Variants in MDFIC2 observed in about 807,000 individuals in gnomAD.
The protein encoded by MDFIC2 is myoD family inhibitor domain-containing protein 2.
At chr3:70,216,114 T>C (rs900451261) in intron 2 of MDFIC2, among the ~76,000 whole-genome samples, 1 of 151,782 alleles carries the variant, frequency 6.6e-6, no homozygotes, top group African/African-American at 2.4e-5. Context: ...ATATCTGGTA[T>C]ATGTGGAATT....
intron 2 of MDFIC2, among the ~76,000 whole-genome samples, chr3:70,311,461 A>G (rs1056576990): frequency 2.6e-5 from 4 of 152,192 alleles, no homozygotes; most frequent in Non-Finnish European, 5.9e-5. Flanking sequence ...CTCTAATTGC[A>G]GTGAATGGTG....
chr3:70,282,757 C>T (rs1261245714), intron 2 of MDFIC2, among the ~76,000 whole-genome samples: 1 of 152,152 alleles, frequency 6.6e-6, no homozygotes, highest in Non-Finnish European at 1.5e-5. Context: ...AGACTTGTTA[C>T]TTTACTTATT....
intron 2 of MDFIC2, among the ~76,000 whole-genome samples, chr3:70,260,951 G>T (rs1701860285): frequency 6.6e-6 from 1 of 152,074 alleles, no homozygotes; most frequent in South Asian, 2.1e-4. Flanking sequence ...GAAGATAAGT[G>T]ATTTTCTCAA....
intron 3 of MDFIC2, chr3:70,204,574 G>A (rs1701273019): frequency 6.6e-6 from 1 of 152,050 alleles, no homozygotes; most frequent in Non-Finnish European, 1.5e-5. Context: ...CTTACAACCT[G>A]AATTTCTTGG....
intron 2 of MDFIC2, among the ~76,000 whole-genome samples, chr3:70,295,330 G>A (rs6549331): frequency 0.4 from 60,723 of 151,984 alleles, 12,593 homozygotes; most frequent in South Asian, 0.56. Context: ...TTAACATCTA[G>A]TGAGTCCAGA....
chr3:70,256,803 A>C (rs1459613881), intron 2 of MDFIC2, among the ~76,000 whole-genome samples: 3 of 152,192 alleles, frequency 2.0e-5, no homozygotes, highest in Non-Finnish European at 4.4e-5. Flanking sequence ...AACATATGTA[A>C]TATACTAATA....
At chr3:70,215,486 C>G (rs765093871) in intron 2 of MDFIC2, among the ~76,000 whole-genome samples, 1 of 152,024 alleles carries the variant, frequency 6.6e-6, no homozygotes, top group Non-Finnish European at 1.5e-5. Flanking sequence ...ACCTAGAATT[C>G]CTATTTGATA....
chr3:70,275,392 G>C (rs954284632), intron 2 of MDFIC2, among the ~76,000 whole-genome samples: 5 of 152,176 alleles, frequency 3.3e-5, no homozygotes, highest in African/African-American at 1.2e-4. Flanking sequence ...GCATGTGCCT[G>C]TAGTCCCAGC....
chr3:70,282,600 T>C (rs1702099423), intron 2 of MDFIC2, among the ~76,000 whole-genome samples: 1 of 152,174 alleles, frequency 6.6e-6, no homozygotes. Flanking sequence ...TGCTATTTTC[T>C]ATGCTGGAAA....
At chr3:70,242,844 T>C (rs192126445) in intron 2 of MDFIC2, among the ~76,000 whole-genome samples, 1 of 152,216 alleles carries the variant, frequency 6.6e-6, no homozygotes, top group East Asian at 1.9e-4. Context: ...TGTGGAAATA[T>C]GGAGTATTTG....
At chr3:70,220,735 A>T (rs547829863) in intron 2 of MDFIC2, among the ~76,000 whole-genome samples, 1 of 152,276 alleles carries the variant, frequency 6.6e-6, no homozygotes, top group East Asian at 1.9e-4. Context: ...AGGCAGTGAA[A>T]ATATGGGGAT....
Position 70,206,841 on chromosome 3 carries a change from A to T in MDFIC2, c.89-51T>A, listed in dbSNP as rs139201384. On this transcript the variant is annotated intron_variant, in intron 2 of 3. Coordinates refer to ENST00000567252, the MANE Select transcript of MDFIC2 (RefSeq NM_001364677.1). ...ACAGAAACCCACTATGGTTTACGTG[A>T]CCTAGTGACCTAAGAATGCAGAAAT... The T allele has an allele frequency of 8.8e-5, 35 of 396,788 alleles. No homozygotes were observed. In the East Asian group the frequency reaches 1.2e-3, roughly 14 times the overall value. The allele number at this position is 396,788 out of a possible 1,614,324, so 24.6% of individuals were successfully genotyped here.
At chr3:70,289,199 G>A (rs1411628616) in intron 2 of MDFIC2, among the ~76,000 whole-genome samples, 18 of 149,578 alleles carry the variant, frequency 1.2e-4, no homozygotes, top group African/African-American at 3.9e-4. Context: ...GGCTGGTACC[G>A]GTTGTTCCTT....
chr3:70,245,675 A>ATG lies in MDFIC2; in HGVS notation c.89-38886_89-38885insCA, dbSNP rs1575605582. Among the ~76,000 whole-genome samples the ATG allele has an allele frequency of 7.8e-5, 6 of 76,516 alleles. No homozygotes were observed. In the South Asian group the frequency reaches 1.3e-3, roughly 16 times the overall value. 50.2% of individuals were successfully genotyped at this position (76,516 alleles called of 152,430 possible). A position where few individuals can be genotyped will look rare whatever the true frequency, so the allele number is the denominator to read the frequency against. The stretch of plus-strand genomic sequence containing the variant: ...ATAACGTTTTTGCAAACTGCTTTAT[A>ATG]TATATATATATATATATATATATAT... On this transcript the variant is annotated intron_variant, in intron 2 of 3. Coordinates refer to ENST00000567252, the MANE Select transcript of MDFIC2 (RefSeq NM_001364677.1).
intron 2 of MDFIC2, among the ~76,000 whole-genome samples, chr3:70,280,465 G>C (rs1257876576): frequency 6.6e-6 from 1 of 152,104 alleles, no homozygotes; most frequent in Non-Finnish European, 1.5e-5. Context: ...TCTCAAATAA[G>C]GCATCAATAC....
At chr3:70,308,699 A>G (rs1333463110) in intron 2 of MDFIC2, among the ~76,000 whole-genome samples, 1 of 152,136 alleles carries the variant, frequency 6.6e-6, no homozygotes, top group Non-Finnish European at 1.5e-5. Context: ...TGCCACACTT[A>G]CACCTTGTCT....
chr3:70,268,050 C>T (rs954951148), intron 2 of MDFIC2, among the ~76,000 whole-genome samples: 2 of 150,528 alleles, frequency 1.3e-5, no homozygotes, highest in African/African-American at 2.5e-5. Flanking sequence ...TCCTCCTCCT[C>T]CTTCTTCTCC....
chr3:70,277,887 T>C (rs1384652635), intron 2 of MDFIC2, among the ~76,000 whole-genome samples: 1 of 152,184 alleles, frequency 6.6e-6, no homozygotes, highest in Non-Finnish European at 1.5e-5. Context: ...TCAGTCTTAA[T>C]CAGAGGAAGA....
At chr3:70,231,379 T>TG (rs1159738004) in intron 2 of MDFIC2, among the ~76,000 whole-genome samples, 1 of 152,186 alleles carries the variant, frequency 6.6e-6, no homozygotes, top group Non-Finnish European at 1.5e-5. Flanking sequence ...AACGCAAACT[T>TG]GCGTTTTTTC....
Sources: gnomAD v4.1 joint callset for allele counts (sites outside exome capture counted in the v4.1 genomes callset) on GRCh38, gnomAD v4.1.1 for gene constraint, MANE v1.5 for transcripts, NCBI Gene and HGNC (gene_info 2026-07-23, HGNC 2026-07-21) for gene names.